The following DST variants were observed in gnomAD, a reference collection of about 807,000 sequenced individuals.
DST encodes the protein bullous pemphigoid antigen.
A neutral mutation model predicts 875.2 loss-of-function variants in DST; 253 were observed. That is an observed-to-expected ratio of 0.29 (90% CI 0.26 to 0.32). The LOEUF is 0.32. Among genes scored for constraint, DST ranks in the 10% least tolerant of loss-of-function variants. DST has a pLI of 1.00. For synonymous variants in DST, 3,124 were observed against 3,197.1 expected (o/e 0.98, Z 0.77); for missense variants, 8,287 against 9,111.6 (o/e 0.91, Z 3.68).
At position 56,866,199 on chromosome 6, in the gene DST, T is replaced by C. The variant is rs114364785; in HGVS notation, c.418-14595A>G. On this transcript the variant is annotated intron_variant, in intron 3 of 103. Coordinates refer to ENST00000680361, the MANE Select transcript of DST (RefSeq NM_001374736.1). ...TTAGTAGAGATGGGCCAACTCACTA[T>C]GTTGGCCAGGCTAGTCTCGAACACC... 8.0e-3 allele frequency among the ~76,000 whole-genome samples: 1,214 copies of C among 152,260 alleles called. 18 individuals carry two copies. The highest frequency in any genetic ancestry group is 0.028 in the African/African-American group (1,150 of 41,544).
intron 92 of DST, among the ~76,000 whole-genome samples, chr6:56,475,030 T>C (rs1332801685): frequency 1.3e-5 from 2 of 149,524 alleles, no homozygotes; most frequent in African/African-American, 4.9e-5. Context: ...CCACATTTAA[T>C]GTGGACATAT....
intron 49 of DST, among the ~76,000 whole-genome samples, chr6:56,579,804 C>T (rs1425308238): frequency 6.6e-6 from 1 of 152,162 alleles, no homozygotes; most frequent in Non-Finnish European, 1.5e-5. Context: ...TACATTTTAT[C>T]CCATAGCAAT....
At chr6:56,940,712 T>A in intron 2 of DST, among the ~76,000 whole-genome samples, 1 of 152,134 alleles carries the variant, frequency 6.6e-6, no homozygotes, top group African/African-American at 2.4e-5. Context: ...CTGGAGTAGC[T>A]GGGACTGCAG....
intron 5 of DST, among the ~76,000 whole-genome samples, chr6:56,728,956 G>C (rs1225035491): frequency 6.7e-6 from 1 of 149,064 alleles, no homozygotes; most frequent in Non-Finnish European, 1.5e-5. Flanking sequence ...ACCCTCAAGT[G>C]GTTCAGATAA....
At chr6:56,611,671 T>C (rs1470822202) in intron 37 of DST, 75 bp from the exon 38 acceptor site, 5 of 1,073,142 alleles carry the variant, frequency 4.7e-6, no homozygotes, top group African/African-American at 1.6e-5. Context: ...AAAAAAGAAA[T>C]TAATCAAGCT....
chr6:56,633,654 CCA>C (rs1022691535), intron 27 of DST, among the ~76,000 whole-genome samples: 11 of 152,076 alleles, frequency 7.2e-5, no homozygotes, highest in Admixed American at 3.9e-4. Flanking sequence ...GCATGCACCA[CCA>C]CACCTGGCTA....
rs76630169 is a variant in DST, at chr6:56,520,854, T to C, written c.18130-3234A>G. On this transcript the variant is annotated intron_variant, in intron 69 of 103. Transcript: ENST00000680361. ...CAATTGCCCTTCAGGTAGAATGTGC[T>C]AATGTACACTCCCACAAGCAGTGTT... 4.5e-3 allele frequency among the ~76,000 whole-genome samples: 684 copies of C among 152,218 alleles called. 2 individuals are homozygous for C. The highest frequency in any genetic ancestry group is 7.8e-3 in the Non-Finnish European group (527 of 67,964).
chr6:56,476,370 C>A, intron 91 of DST, 33 bp from the exon 92 acceptor site: 1 of 1,501,718 alleles, frequency 6.7e-7, no homozygotes, highest in East Asian at 2.4e-5. Context: ...TCTGAATTTC[C>A]TCCAACTTAG....
intron 4 of DST, among the ~76,000 whole-genome samples, chr6:56,772,396 G>A (rs2099668476): frequency 6.6e-6 from 1 of 152,014 alleles, no homozygotes. Flanking sequence ...AAGAGCGTGG[G>A]GCAGGAGACT....
chr6:56,615,690 G>A lies in DST; in HGVS notation c.4930-1206C>T. 1.9e-6 allele frequency: 3 copies of A among 1,614,126 alleles called. No homozygotes were observed. The South Asian group carries it at 3.3e-5, about 18-fold the overall frequency. On this transcript the variant is annotated intron_variant, in intron 36 of 103. Coordinates refer to ENST00000680361, the MANE Select transcript of DST (RefSeq NM_001374736.1). The stretch of plus-strand genomic sequence containing the variant: ...CTGACATATGACTTTTGATCTTTGA[G>A]TTTTGTGGCAATGAGGACATCTATA...
chr6:56,824,750 TGAG>T, intron 4 of DST, among the ~76,000 whole-genome samples: 1 of 150,258 alleles, frequency 6.7e-6, no homozygotes, highest in East Asian at 2.0e-4. Context: ...GTCTGAGAAG[TGAG>T]GAGTCCCTCC....
intron 55 of DST, among the ~76,000 whole-genome samples, chr6:56,566,858 T>C (rs763268716): frequency 2.6e-5 from 4 of 152,068 alleles, no homozygotes; most frequent in Admixed American, 6.6e-5. Flanking sequence ...TTTAAATACA[T>C]AAAAAAGAAG....
At chr6:56,893,339 C>G (rs928354086) in intron 3 of DST, among the ~76,000 whole-genome samples, 1 of 152,132 alleles carries the variant, frequency 6.6e-6, no homozygotes, top group Non-Finnish European at 1.5e-5. Flanking sequence ...TAATTCATTC[C>G]TTTTTATGGC....
intron 4 of DST, among the ~76,000 whole-genome samples, chr6:56,837,122 G>C (rs2099794737): frequency 6.6e-6 from 1 of 152,074 alleles, no homozygotes; most frequent in Non-Finnish European, 1.5e-5. Flanking sequence ...GAGCATTCCA[G>C]TTTTCTAGGG....
intron 5 of DST, among the ~76,000 whole-genome samples, chr6:56,732,342 T>A (rs2099503273): frequency 6.6e-6 from 1 of 152,196 alleles, no homozygotes; most frequent in Admixed American, 6.5e-5. Context: ...TTTTCAAGTA[T>A]CGCTAATTTT....
At chr6:56,848,447 A>AG (rs1311146334) in intron 4 of DST, among the ~76,000 whole-genome samples, 2 of 152,188 alleles carry the variant, frequency 1.3e-5, no homozygotes, top group African/African-American at 2.4e-5. Context: ...AATTTCAGGG[A>AG]GGGGGTAAGT....
At chr6:56,727,918 G>A (rs2099472392) in intron 5 of DST, among the ~76,000 whole-genome samples, 1 of 152,154 alleles carries the variant, frequency 6.6e-6, no homozygotes, top group African/African-American at 2.4e-5. Context: ...ACTTCATGTT[G>A]GGCAGATAAC....
chr6:56,659,182 T>C (rs1344370056), intron 10 of DST, among the ~76,000 whole-genome samples: 1 of 152,188 alleles, frequency 6.6e-6, no homozygotes, highest in Non-Finnish European at 1.5e-5. Flanking sequence ...CAGAAGAATG[T>C]GGCAGCAGTG....
At position 56,610,555 on chromosome 6, in the gene DST, C is replaced by T. The variant is rs770222634; in HGVS notation, c.5155G>A (p.Asp1719Asn). ...TTTTCCAATTCATTTCTTTCTTCAT[C>T]TGTCATTCTAAATAACCAGAAATGA... ...FLAKHGDKMTDEERNELEKQV... is the reference protein window; with the variant it reads ...FLAKHGDKMTNEERNELEKQV... Residue 1719 changes from aspartate to asparagine, a missense_variant, in exon 39 of 104, where the codon GAT becomes AAT. Transcript: ENST00000680361. 5 of 1,577,336 alleles carry T rather than the reference C, an allele frequency of 3.2e-6. No homozygotes were observed. The African/African-American group carries it at 6.8e-5, about 21-fold the overall frequency.
Sources: allele counts gnomAD v4.1 joint callset (sites outside exome capture counted in the v4.1 genomes callset), GRCh38; gene constraint gnomAD v4.1.1; transcripts MANE v1.5; gene names NCBI Gene and HGNC (gene_info 2026-07-23, HGNC 2026-07-21).